Variants in MTREX observed in about 807,000 individuals in gnomAD.
MTREX encodes Mtr4 exosome RNA helicase, also known as exosome RNA helicase MTR4.
In MTREX, 76 loss-of-function variants were observed where a neutral mutation model predicts 135.4. That is an observed-to-expected ratio of 0.56 (90% CI 0.47 to 0.68). The LOEUF (loss-of-function observed/expected upper bound fraction) is 0.68. Among genes scored for constraint, MTREX ranks in the 30% least tolerant of loss-of-function variants. The pLI, the probability that MTREX is intolerant of heterozygous loss-of-function variation, is 0.00. For missense variants in MTREX, 920 were observed against 1,262.1 expected, an observed-to-expected ratio of 0.73 and a Z score of 4.11; for synonymous variants, 404 against 401.6, an observed-to-expected ratio of 1.01 and a Z score of -0.07.
rs565339732 is a variant in MTREX, at chr5:55,370,985, C to G, written c.1810+4110C>G. 2.0e-4 allele frequency among the ~76,000 whole-genome samples: 31 copies of G among 152,258 alleles called. No individual in the cohort carries two copies. The East Asian group carries it at 4.1e-3, about 20-fold the overall frequency. ...TGTTTTTCATTTTGATTTATCTAAT[C>G]AACAGTACATTTTTCAGTGAGCCAT... On this transcript the variant is annotated intron_variant, in intron 16 of 26. Coordinates refer to ENST00000230640, the MANE Select transcript of MTREX (RefSeq NM_015360.5).
intron 21 of MTREX, among the ~76,000 whole-genome samples, chr5:55,402,706 T>C (rs1043202946): frequency 1.3e-5 from 2 of 151,788 alleles, no homozygotes; most frequent in Admixed American, 1.3e-4. Flanking sequence ...GTGGTTGTGT[T>C]ACAGCAATAA....
At chr5:55,363,735 T>C (rs1561198080) in intron 15 of MTREX, among the ~76,000 whole-genome samples, 1 of 152,190 alleles carries the variant, frequency 6.6e-6, no homozygotes, top group Non-Finnish European at 1.5e-5. Context: ...GCCTAGATAC[T>C]CCTAGATTTT....
chr5:55,418,370 T>C (rs1751005443), intron 25 of MTREX, among the ~76,000 whole-genome samples: 1 of 149,946 alleles, frequency 6.7e-6, no homozygotes, highest in Non-Finnish European at 1.5e-5. Context: ...TCTTTCTACC[T>C]AAGTAGAAGT....
intron 22 of MTREX, among the ~76,000 whole-genome samples, chr5:55,407,353 C>A (rs1361178636): frequency 6.6e-6 from 1 of 152,140 alleles, no homozygotes; most frequent in Non-Finnish European, 1.5e-5. Flanking sequence ...AGGATTAAAT[C>A]TAAACTGCAG....
chr5:55,404,432 T>G (rs557309158), intron 21 of MTREX, among the ~76,000 whole-genome samples: 2 of 152,364 alleles, frequency 1.3e-5, no homozygotes, highest in South Asian at 4.1e-4. Context: ...CTAAAACCAT[T>G]TCCAGCCTAG....
intron 18 of MTREX, 106 bp downstream of exon 18, chr5:55,379,301 C>T: frequency 1.5e-6 from 1 of 646,970 alleles, no homozygotes; most frequent in South Asian, 1.8e-5. Flanking sequence ...TGAAGAGAAG[C>T]AGTAATAAAT....
chr5:55,388,225 G>A (rs534795276), intron 19 of MTREX, 123 bp downstream of exon 19: 307 of 717,698 alleles, frequency 4.3e-4, no homozygotes, highest in Non-Finnish European at 5.8e-4. Flanking sequence ...AAGTTTTCAA[G>A]GTATTTTAAG....
In MTREX at chr5:55,344,516, T is replaced by G. The variant is rs1454452034; in HGVS notation, c.907-6T>G. ...ATTTTGTATGTTTAATTCTTTCTTT[T>G]TACAGCCTTGTCATGTTATTTACAC... On this transcript the variant is annotated splice_region_variant and splice_polypyrimidine_tract_variant and intron_variant, in intron 8 of 26. Coordinates refer to ENST00000230640, the MANE Select transcript of MTREX (RefSeq NM_015360.5). 1.3e-6 allele frequency: 2 copies of G among 1,588,092 alleles called. No individual in the cohort carries two copies. The highest frequency in any genetic ancestry group is 2.7e-5 in the African/African-American group (2 of 74,378).
Position 55,422,983 on chromosome 5 carries a change from G to A in MTREX, c.3076+1G>A. 6.2e-7 allele frequency: 1 copy of A among 1,610,942 alleles called. No homozygotes were observed. The highest frequency in any genetic ancestry group is 8.5e-7 in the Non-Finnish European group (1 of 1,177,570). On this transcript the variant is annotated splice_donor_variant, in intron 26 of 26. Transcript: ENST00000230640. LOFTEE classifies it high-confidence loss of function. The stretch of plus-strand genomic sequence containing the variant: ...GAGCTGGAAAATAAATTTGCAGAAG[G>A]TCAGTATCAAATGGATAAGCTGTTT...
intron 1 of MTREX, among the ~76,000 whole-genome samples, chr5:55,314,357 G>A (rs140452400): frequency 1.3e-5 from 2 of 152,344 alleles, no homozygotes; most frequent in African/African-American, 4.8e-5. Flanking sequence ...TGCAGATGGA[G>A]TTCATGCTGC....
At chr5:55,344,979 G>A in intron 9 of MTREX, 115 bp from the exon 10 acceptor site, 2 of 659,474 alleles carry the variant, frequency 3.0e-6, no homozygotes, top group Admixed American at 3.0e-5. Context: ...GACTATTTTA[G>A]TGGCTTTCAT....
Position 55,416,165 on chromosome 5 carries a change from G to A in MTREX, c.2971+33G>A, listed in dbSNP as rs372570992. On this transcript the variant is annotated intron_variant, in intron 25 of 26. Transcript: ENST00000230640. The stretch of plus-strand genomic sequence containing the variant: ...TAAATTTTACACATATATATTTACA[G>A]TATAAGAAATACAGTTAGGATGGTA... 63 of 1,391,920 alleles carry A rather than the reference G, an allele frequency of 4.5e-5. 1 individual carries two copies. In the Middle Eastern group the frequency reaches 8.0e-4, roughly 18 times the overall value. 86.2% of individuals were successfully genotyped at this position (1,391,920 alleles called of 1,614,324 possible). A position where few individuals can be genotyped will look rare whatever the true frequency, so the allele number is the denominator to read the frequency against.
At chr5:55,368,519 A>G (rs532865855) in intron 16 of MTREX, among the ~76,000 whole-genome samples, 5 of 152,250 alleles carry the variant, frequency 3.3e-5, no homozygotes, top group African/African-American at 9.6e-5. Flanking sequence ...TTTCAATTTT[A>G]TAACTATCAT....
At position 55,363,830 on chromosome 5, in the gene MTREX, T is replaced by C. The variant is rs965070656; in HGVS notation, c.1660-2895T>C. Reference sequence around the variant, plus strand: ...TTAAAATGGAGACAGAAAACTGTTATGAATGTTGTGAATTGAAGATTTAGT... The same window carrying C: ...TTAAAATGGAGACAGAAAACTGTTACGAATGTTGTGAATTGAAGATTTAGT... On this transcript the variant is annotated intron_variant, in intron 15 of 26. Transcript: ENST00000230640. Among the ~76,000 whole-genome samples, 15 of 152,360 alleles carry C rather than the reference T, an allele frequency of 9.8e-5. No homozygotes were observed. The South Asian group carries it at 1.2e-3, about 13-fold the overall frequency.
At chr5:55,312,060 C>G (rs1052265718) in intron 1 of MTREX, among the ~76,000 whole-genome samples, 12 of 152,134 alleles carry the variant, frequency 7.9e-5, no homozygotes, top group Non-Finnish European at 1.6e-4. Context: ...CACCCTGATT[C>G]CTCATCAACC....
chr5:55,400,223 T>A lies in MTREX; in HGVS notation c.2293-10T>A, dbSNP rs1750703323. The A allele has an allele frequency of 6.5e-7, 1 of 1,545,618 alleles. No individual in the cohort carries two copies. Among genetic ancestry groups the A allele is most frequent in the Non-Finnish European group, 8.7e-7 (1 of 1,143,918 alleles). The stretch of plus-strand genomic sequence containing the variant: ...ATAAGATGAAAATGAATTTTACATA[T>A]TTTTTTCAGGAAGTTCAGAAACGTT... On this transcript the variant is annotated splice_polypyrimidine_tract_variant and intron_variant, in intron 20 of 26. Transcript: ENST00000230640.
intron 1 of MTREX, among the ~76,000 whole-genome samples, chr5:55,320,144 T>G (rs1176914501): frequency 6.6e-6 from 1 of 152,134 alleles, no homozygotes; most frequent in East Asian, 1.9e-4. Context: ...TTGCTAGGTA[T>G]CAGAGAATGG....
chr5:55,391,411 C>T (rs1750564355), intron 19 of MTREX, among the ~76,000 whole-genome samples: 1 of 152,172 alleles, frequency 6.6e-6, no homozygotes, highest in South Asian at 2.1e-4. Flanking sequence ...CATGCCACTG[C>T]ACTCCAGCCT....
At chr5:55,326,547 G>A (rs1174024099) in intron 3 of MTREX, among the ~76,000 whole-genome samples, 2 of 152,168 alleles carry the variant, frequency 1.3e-5, no homozygotes, top group Non-Finnish European at 1.5e-5. Flanking sequence ...CTCTTCACAG[G>A]CTTGAGGATA....
Sources: allele counts gnomAD v4.1 joint callset (sites outside exome capture counted in the v4.1 genomes callset), GRCh38; gene constraint gnomAD v4.1.1; transcripts MANE v1.5; gene names NCBI Gene and HGNC (gene_info 2026-07-23, HGNC 2026-07-21).